The following VPS13A variants were observed in gnomAD, a reference collection of about 807,000 sequenced individuals.
The protein encoded by VPS13A is vacuolar protein sorting 13 homolog A.
A neutral mutation model predicts 390.9 loss-of-function variants in VPS13A; 264 were observed. That is an observed-to-expected ratio of 0.68 (90% CI 0.61 to 0.75). The LOEUF (loss-of-function observed/expected upper bound fraction) is 0.75. Ranked by LOEUF, VPS13A falls within the 30% of genes least tolerant of loss-of-function variation. The pLI, the probability that VPS13A is intolerant of heterozygous loss-of-function variation, is 0.00. For missense variants in VPS13A, 3,409 were observed against 3,733.9 expected, an observed-to-expected ratio of 0.91 and a Z score of 2.27; for synonymous variants, 1,231 against 1,227.1, an observed-to-expected ratio of 1.00 and a Z score of -0.07.
intron 47 of VPS13A, 22 bp from the exon 48 acceptor site, chr9:77,339,485 TTTTGTTTTG>T: frequency 2.1e-6 from 3 of 1,447,372 alleles, no homozygotes; most frequent in Non-Finnish European, 1.9e-6. Flanking sequence ...ACATTTTAAA[TTTTGTTTTG>T]TTTTTTTTTT....
Position 77,371,654 on chromosome 9 carries a change from AT to A in VPS13A, c.9077+517del, listed in dbSNP as rs76102647. Among the ~76,000 whole-genome samples the A allele has an allele frequency of 2.6e-3, 382 of 147,444 alleles. 1 individual carries two copies. Among genetic ancestry groups the A allele is most frequent in the Admixed American group, 6.0e-3 (89 of 14,910 alleles). ...CATATGGTCTTCCTAATTCATTTTGATTTTTTTTTTTTATTATTATACTTTA... is the reference window on the plus strand; with the variant it reads ...CATATGGTCTTCCTAATTCATTTTGATTTTTTTTTTTATTATTATACTTTA... On this transcript the variant is annotated intron_variant, in intron 67 of 71. Transcript: ENST00000360280.
At chr9:77,268,158 G>A (rs770913317) in intron 23 of VPS13A, among the ~76,000 whole-genome samples, 2 of 152,236 alleles carry the variant, frequency 1.3e-5, no homozygotes, top group Admixed American at 6.5e-5. Flanking sequence ...GGGAGTGAAA[G>A]GTTCATCTTG....
At chr9:77,321,043 C>A in intron 42 of VPS13A, 126 bp from the exon 43 acceptor site, 3 of 840,658 alleles carry the variant, frequency 3.6e-6, no homozygotes, top group Non-Finnish European at 3.7e-6. Flanking sequence ...TTCAATAAGG[C>A]AATAGAACTT....
chr9:77,215,782 A>T (rs965573542), intron 10 of VPS13A, among the ~76,000 whole-genome samples: 1 of 152,228 alleles, frequency 6.6e-6, no homozygotes, highest in South Asian at 2.1e-4. Context: ...GCAGGAAATT[A>T]TCTGTGGTGC....
intron 16 of VPS13A, 65 bp from the exon 17 acceptor site, chr9:77,228,057 A>G (rs969513835): frequency 6.7e-5 from 81 of 1,211,664 alleles, no homozygotes; most frequent in Middle Eastern, 3.0e-4. Flanking sequence ...AATGTACTAT[A>G]AGAATATTTG....
rs368165342 is a variant in VPS13A, at chr9:77,353,377, G to GTT, written c.7420-18_7420-17dup. Reference sequence around the variant, plus strand: ...TTTGGGACCAAATTCTAATTTTTTGGTTTTTTTTTTTTTTTGGTGGTTTTA... The same window carrying GTT: ...TTTGGGACCAAATTCTAATTTTTTGGTTTTTTTTTTTTTTTTTGGTGGTTTTA... On this transcript the variant is annotated intron_variant, in intron 53 of 71. Transcript: ENST00000360280. The GTT allele has an allele frequency of 0.014, 17,094 of 1,252,166 alleles. 2 individuals carry two copies. The highest frequency in any genetic ancestry group is 0.024 in the South Asian group (1,674 of 69,864). 77.6% of individuals were successfully genotyped at this position (1,252,166 alleles called of 1,614,324 possible).
At chr9:77,337,615 CTA>C in intron 47 of VPS13A, 78 bp downstream of exon 47, 1 of 1,437,796 alleles carries the variant, frequency 7.0e-7, no homozygotes, top group Non-Finnish European at 9.6e-7. Flanking sequence ...TCAATAAAAA[CTA>C]TTTTAAAGAT....
intron 31 of VPS13A, 47 bp from the exon 32 acceptor site, chr9:77,293,294 C>T: frequency 6.7e-7 from 1 of 1,493,608 alleles, no homozygotes; most frequent in Non-Finnish European, 9.3e-7. Flanking sequence ...ACTGAAAATA[C>T]ATCATTTCAA....
chr9:77,262,533 A>G (rs1387523455), intron 23 of VPS13A, among the ~76,000 whole-genome samples: 1 of 152,084 alleles, frequency 6.6e-6, no homozygotes, highest in Non-Finnish European at 1.5e-5. Context: ...TGCTGCACCC[A>G]TCAACCCGTC....
At position 77,314,126 on chromosome 9, in the gene VPS13A, C is replaced by G; in HGVS notation, c.4242+7C>G. 6.2e-7 allele frequency: 1 copy of G among 1,612,170 alleles called. No homozygotes were observed. ...TAGTCCAGGTCCTAAACAGGTAAGT[C>G]CAGGAAGAAAAGAAAATGTATTTTC... On this transcript the variant is annotated splice_region_variant and intron_variant, in intron 36 of 71. Transcript: ENST00000360280.
intron 28 of VPS13A, 54 bp from the exon 29 acceptor site, chr9:77,282,067 A>G: frequency 6.4e-7 from 1 of 1,574,494 alleles, no homozygotes; most frequent in Non-Finnish European, 8.7e-7. Context: ...CCTTGTAGAG[A>G]GCTGGCAAGC....
chr9:77,237,176 C>A (rs1302789229), intron 17 of VPS13A, among the ~76,000 whole-genome samples: 1 of 152,080 alleles, frequency 6.6e-6, no homozygotes, highest in African/African-American at 2.4e-5. Context: ...GCGTGAGCCA[C>A]CGAGCCCAGC....
chr9:77,315,410 G>A lies in VPS13A; in HGVS notation c.4570G>A (p.Ala1524Thr). ...GACTGTTGCAAATGTCTTTCTTGAG[G>A]CCTACACCACAGGCACTGCTGTAGA... The part of the protein sequence containing the change: ...LQTVANVFLE[A>T]YTTGTAVETS... The change falls in exon 38 of 72, where the codon GCC (alanine) becomes ACC (threonine). Residue 1524 changes from alanine to threonine, a missense_variant. Transcript: ENST00000360280. 1 of 1,613,886 alleles carries A rather than the reference G, an allele frequency of 6.2e-7. No homozygotes were observed. The highest frequency in any genetic ancestry group is 1.1e-5 in the South Asian group (1 of 91,064).
intron 3 of VPS13A, among the ~76,000 whole-genome samples, chr9:77,202,926 T>C (rs1825416756): frequency 2.0e-5 from 3 of 152,196 alleles, no homozygotes; most frequent in Admixed American, 2.0e-4. Flanking sequence ...ATCGAGTTTC[T>C]TGAGAAGAAG....
intron 9 of VPS13A, among the ~76,000 whole-genome samples, chr9:77,213,607 C>A (rs1192873298): frequency 2.0e-5 from 3 of 151,808 alleles, no homozygotes; most frequent in Admixed American, 2.0e-4. Flanking sequence ...AGCAATCATC[C>A]TTCCTGCCTC....
intron 3 of VPS13A, 69 bp downstream of exon 3, chr9:77,201,476 T>G (rs1314820848): frequency 3.3e-6 from 4 of 1,226,804 alleles, no homozygotes; most frequent in Non-Finnish European, 4.8e-6. Context: ...GCCTAATATA[T>G]CTATTATGTG....
At chr9:77,221,647 T>C (rs574043123) in intron 13 of VPS13A, among the ~76,000 whole-genome samples, 1 of 152,202 alleles carries the variant, frequency 6.6e-6, no homozygotes, top group Non-Finnish European at 1.5e-5. Flanking sequence ...TAGTGTTTGC[T>C]ACATTGATTC....
At position 77,340,529 on chromosome 9, in the gene VPS13A, GCT is replaced by G. The variant is rs1563939617; in HGVS notation, c.7012_7013del (p.Leu2338Ter). On this transcript the variant is annotated frameshift_variant, in exon 50 of 72. Coordinates refer to ENST00000360280, the MANE Select transcript of VPS13A (RefSeq NM_033305.3). LOFTEE classifies it high-confidence loss of function. ...TGGCTGAAGAAGGAAATGATAAATG[GCT>G]CTCTCTTGATTTGGAGCAGGTGGGT... is the stretch of plus-strand genomic sequence containing the variant. ...SVAEEGNDKW[L>X]SLDLEQCIPF... 6.2e-7 allele frequency: 1 copy of G among 1,612,592 alleles called. No individual in the cohort carries two copies.
intron 67 of VPS13A, among the ~76,000 whole-genome samples, chr9:77,377,280 C>G (rs889925743): frequency 2.4e-5 from 3 of 127,588 alleles, no homozygotes; most frequent in African/African-American, 8.8e-5. Context: ...ACTGCAGTGG[C>G]GCAATCTCGG....
Sources: gnomAD v4.1 joint callset for allele counts (sites outside exome capture counted in the v4.1 genomes callset) on GRCh38, gnomAD v4.1.1 for gene constraint, MANE v1.5 for transcripts, NCBI Gene and HGNC (gene_info 2026-07-23, HGNC 2026-07-21) for gene names.